Variants in CDH13 observed in about 807,000 individuals in gnomAD.
CDH13 encodes cadherin-13.
In CDH13, 24 loss-of-function variants were observed where a neutral mutation model predicts 63.8. The observed-to-expected ratio is 0.38, with a 90% CI of 0.27 to 0.53. The LOEUF (loss-of-function observed/expected upper bound fraction) is 0.53. Among genes scored for constraint, CDH13 ranks in the 20% least tolerant of loss-of-function variants. The probability of loss-of-function intolerance (pLI) is 0.85; values close to 1 mark genes in which losing one functional copy is unlikely to be tolerated. For missense variants in CDH13, 1,049 were observed against 903.1 expected (o/e 1.16, Z -2.07); for synonymous variants, 503 against 355.3 (o/e 1.42, Z -4.67).
intron 8 of CDH13, among the ~76,000 whole-genome samples, chr16:83,635,824 T>C (rs1481908782): frequency 6.6e-6 from 1 of 152,226 alleles, no homozygotes; most frequent in African/African-American, 2.4e-5. Context: ...GTCCAATTTA[T>C]ACTTTTTTCT....
In CDH13 at chr16:82,795,672, C is replaced by G. The variant is rs2036544957; in HGVS notation, c.46-62690C>G. 2.0e-5 allele frequency among the ~76,000 whole-genome samples: 3 copies of G among 152,220 alleles called. No individual in the cohort carries two copies. The South Asian group carries it at 6.2e-4, about 31-fold the overall frequency. The stretch of plus-strand genomic sequence containing the variant: ...TAGGGGGACAGAGACCTGCATTTAT[C>G]TGTAGACCCTCCACTCTTAACCACC... On this transcript the variant is annotated intron_variant, in intron 1 of 13. Coordinates refer to ENST00000567109, the MANE Select transcript of CDH13 (RefSeq NM_001257.5).
chr16:83,367,113 C>T (rs556446710), intron 6 of CDH13, among the ~76,000 whole-genome samples: 5 of 152,146 alleles, frequency 3.3e-5, no homozygotes, highest in African/African-American at 7.2e-5. Flanking sequence ...GGCTCATTAA[C>T]GATCATTTCT....
chr16:82,661,646 G>A (rs1911960164), intron 1 of CDH13, among the ~76,000 whole-genome samples: 1 of 152,208 alleles, frequency 6.6e-6, no homozygotes, highest in Admixed American at 6.5e-5. Context: ...GCATATGGAG[G>A]TTCCATGCCT....
At chr16:83,792,011 C>T (rs955240364) in intron 13 of CDH13, among the ~76,000 whole-genome samples, 10 of 152,244 alleles carry the variant, frequency 6.6e-5, no homozygotes, top group African/African-American at 2.2e-4. Flanking sequence ...GATCCCCTTT[C>T]CGCAATCCAG....
At chr16:83,117,911 G>A (rs1597368448) in intron 3 of CDH13, among the ~76,000 whole-genome samples, 1 of 152,192 alleles carries the variant, frequency 6.6e-6, no homozygotes, top group Non-Finnish European at 1.5e-5. Context: ...GGGAAACAGG[G>A]AGGAAAGCAA....
chr16:83,192,151 T>C (rs2038739007), intron 4 of CDH13, among the ~76,000 whole-genome samples: 1 of 152,206 alleles, frequency 6.6e-6, no homozygotes, highest in African/African-American at 2.4e-5. Flanking sequence ...GCAAGAGCCG[T>C]TCCTTTGCCT....
At chr16:83,340,158 G>C (rs375082714) in intron 5 of CDH13, among the ~76,000 whole-genome samples, 2 of 152,186 alleles carry the variant, frequency 1.3e-5, no homozygotes, top group African/African-American at 2.4e-5. Context: ...AAAGTGATCA[G>C]ACAAAATATG....
At chr16:82,663,230 T>A (rs542355610) in intron 1 of CDH13, among the ~76,000 whole-genome samples, 10 of 152,292 alleles carry the variant, frequency 6.6e-5, no homozygotes, top group East Asian at 5.8e-4. Flanking sequence ...GTTGTTGCCC[T>A]GGCTGGAGTG....
At chr16:82,778,570 G>GAAAAAAAAAAAAAAAAAAA (rs11350020) in intron 1 of CDH13, among the ~76,000 whole-genome samples, 1 of 85,786 alleles carries the variant, frequency 1.2e-5, no homozygotes, top group Non-Finnish European at 2.1e-5. Context: ...ATCACGACCA[G>GAAAAAAAAAAAAAAAAAAA]AAAAAAAAAA....
rs182037269 is a variant in CDH13, at chr16:83,297,367, A to G, written c.637-47495A>G. Among the ~76,000 whole-genome samples, 24 of 152,336 alleles carry G rather than the reference A, an allele frequency of 1.6e-4. No individual in the cohort carries two copies. The East Asian group carries it at 3.9e-3, about 24-fold the overall frequency. On this transcript the variant is annotated intron_variant, in intron 5 of 13. Transcript: ENST00000567109. ...CATAAATTATTAATACAATAATTGTACGTCAATTATTATGTGTCAATTAAA... is the reference window on the plus strand; with the variant it reads ...CATAAATTATTAATACAATAATTGTGCGTCAATTATTATGTGTCAATTAAA...
In CDH13 at chr16:83,714,986, T is replaced by A. The variant is rs146428126; in HGVS notation, c.1539-33122T>A. Among the ~76,000 whole-genome samples, 17 of 152,260 alleles carry A rather than the reference T, an allele frequency of 1.1e-4. No individual in the cohort carries two copies. The East Asian group carries it at 2.7e-3, about 24-fold the overall frequency. Reference sequence around the variant, plus strand: ...TACATCATTTGCGAGCTCAGGTACTTGTTATTTGCTGAGCAAGGACTTTCC... The same window carrying A: ...TACATCATTTGCGAGCTCAGGTACTAGTTATTTGCTGAGCAAGGACTTTCC... On this transcript the variant is annotated intron_variant, in intron 10 of 13. Transcript: ENST00000567109.
At chr16:83,668,109 G>A (rs766347836) in intron 8 of CDH13, among the ~76,000 whole-genome samples, 4 of 152,154 alleles carry the variant, frequency 2.6e-5, no homozygotes, top group Non-Finnish European at 5.9e-5. Context: ...GAACACTCAG[G>A]CAAGTGGCAG....
intron 2 of CDH13, among the ~76,000 whole-genome samples, chr16:82,872,892 A>G (rs1028863854): frequency 6.6e-6 from 1 of 152,232 alleles, no homozygotes; most frequent in African/African-American, 2.4e-5. Context: ...AAAGCTTTGA[A>G]TCAGATAAAA....
chr16:82,880,832 A>T (rs538055325), intron 2 of CDH13, among the ~76,000 whole-genome samples: 1 of 152,346 alleles, frequency 6.6e-6, no homozygotes, highest in African/African-American at 2.4e-5. Context: ...AAATTTAGAT[A>T]CAACTCCTGA....
intron 13 of CDH13, among the ~76,000 whole-genome samples, chr16:83,791,853 C>A (rs1038202077): frequency 3.3e-5 from 5 of 150,208 alleles, no homozygotes; most frequent in African/African-American, 1.2e-4. Context: ...CAAAAGATAG[C>A]CAGTAAACAC....
At chr16:83,477,936 C>G (rs1792942757) in intron 6 of CDH13, among the ~76,000 whole-genome samples, 1 of 152,098 alleles carries the variant, frequency 6.6e-6, no homozygotes, top group Admixed American at 6.6e-5. Context: ...AATCCCAGCA[C>G]TTTGGGAGGC....
At chr16:83,143,494 C>T (rs1465915023) in intron 4 of CDH13, among the ~76,000 whole-genome samples, 2 of 152,158 alleles carry the variant, frequency 1.3e-5, no homozygotes, top group African/African-American at 4.8e-5. Flanking sequence ...ATAAATATTA[C>T]AGGTGACTGA....
At chr16:82,958,413 A>G (rs1316121418) in intron 2 of CDH13, among the ~76,000 whole-genome samples, 1 of 152,246 alleles carries the variant, frequency 6.6e-6, no homozygotes, top group Admixed American at 6.5e-5. Context: ...TTTAGAAGGC[A>G]TAATGGAAAG....
At chr16:83,018,591 G>C (rs372190643) in intron 2 of CDH13, among the ~76,000 whole-genome samples, 3 of 152,268 alleles carry the variant, frequency 2.0e-5, no homozygotes, top group Non-Finnish European at 2.9e-5. Flanking sequence ...AACCTGAATT[G>C]CTTTAGGCCC....
Sources: allele counts gnomAD v4.1 joint callset (sites outside exome capture counted in the v4.1 genomes callset), GRCh38; gene constraint gnomAD v4.1.1; transcripts MANE v1.5; gene names NCBI Gene and HGNC (gene_info 2026-07-23, HGNC 2026-07-21).